TCOF1: variants seen among roughly 807,000 people sequenced by gnomAD.
TCOF1 encodes treacle protein.
A neutral mutation model predicts 149.0 loss-of-function variants in TCOF1; 33 were observed. That is an observed-to-expected ratio of 0.22 (90% CI 0.17 to 0.30). TCOF1 has a LOEUF of 0.30. TCOF1 is among the 10% of genes least tolerant of loss of function. The probability of loss-of-function intolerance (pLI) is 1.00; values close to 1 mark genes in which losing one functional copy is unlikely to be tolerated. For synonymous variants in TCOF1, 789 were observed against 738.8 expected, an observed-to-expected ratio of 1.07 and a Z score of -1.10; for missense variants, 1,728 against 1,840.7, an observed-to-expected ratio of 0.94 and a Z score of 1.12.
chr5:150,365,029 T>G (rs1035515570), intron 3 of TCOF1: 5 of 152,114 alleles, frequency 3.3e-5, no homozygotes, highest in Admixed American at 6.6e-5. Context: ...TTCCTGAGTC[T>G]GCTTTTAAAG....
At chr5:150,377,582 A>G (rs888557137) in intron 14 of TCOF1, among the ~76,000 whole-genome samples, 2 of 152,016 alleles carry the variant, frequency 1.3e-5, no homozygotes, top group African/African-American at 4.8e-5. Flanking sequence ...GTACCAGAGC[A>G]CACATTTCTA....
chr5:150,385,566 A>C (rs928797032), intron 17 of TCOF1, among the ~76,000 whole-genome samples: 2 of 152,088 alleles, frequency 1.3e-5, no homozygotes, highest in Admixed American at 1.3e-4. Context: ...ATTCTGAGAG[A>C]GGTTCTTGGA....
chr5:150,367,814 G>T, intron 3 of TCOF1, 30 bp from the exon 4 acceptor site: 2 of 1,612,908 alleles, frequency 1.2e-6, no homozygotes, highest in African/African-American at 1.3e-5. Context: ...AGCTCATCTG[G>T]CTCCTTTAGC....
chr5:150,369,472 A>G (rs1762062752), intron 5 of TCOF1, 57 bp from the exon 6 acceptor site: 1 of 1,599,104 alleles, frequency 6.3e-7, no homozygotes, highest in African/African-American at 1.3e-5. Context: ...GGTGCTGGGG[A>G]GGGGCAGGTG....
chr5:150,361,249 C>T lies in TCOF1; in HGVS notation c.164+38C>T, dbSNP rs374683044. ...GCCTATAGGGTGGAGTAGGGACGGA[C>T]ACCCCAAGCAACTCAGCTTGGAATA... On this transcript the variant is annotated intron_variant, in intron 2 of 26. Coordinates refer to ENST00000643257, the MANE Select transcript of TCOF1 (RefSeq NM_001371623.1). The T allele has an allele frequency of 2.5e-5, 41 of 1,611,416 alleles. No homozygotes were observed. The East Asian group carries it at 2.9e-4, about 11-fold the overall frequency.
At chr5:150,398,522 C>A in intron 25 of TCOF1, 71 bp downstream of exon 25, 1 of 1,607,710 alleles carries the variant, frequency 6.2e-7, no homozygotes, top group East Asian at 2.2e-5. Flanking sequence ...CACACCCAGA[C>A]CTGGTTCCTG....
chr5:150,396,911 C>T, intron 24 of TCOF1, 69 bp downstream of exon 24: 2 of 1,515,542 alleles, frequency 1.3e-6, no homozygotes, highest in Non-Finnish European at 9.0e-7. Context: ...GAGGGACCCT[C>T]AGCCAGCACC....
intron 6 of TCOF1, among the ~76,000 whole-genome samples, chr5:150,371,246 AC>A (rs1224750747): frequency 6.6e-6 from 1 of 151,874 alleles, no homozygotes; most frequent in African/African-American, 2.4e-5. Flanking sequence ...ACCCCCATCT[AC>A]CCCAGGCCTT....
chr5:150,372,042 T>C lies in TCOF1; in HGVS notation c.676T>C (p.Ser226Pro), dbSNP rs201919311. The change falls in exon 7 of 27, where the codon TCA (serine) becomes CCA (proline). Residue 226 changes from serine (S) to proline (P), a missense_variant. Coordinates refer to ENST00000643257, the MANE Select transcript of TCOF1 (RefSeq NM_001371623.1). ...AGTAAAACCAGCCCAGGTCAAAGCC[T>C]CATCAGTTTCTACTAAGGAGTCTCC... is the stretch of plus-strand genomic sequence containing the variant. Reference protein sequence around the residue: ...PSVKPAQVKASSVSTKESPAR... With the variant: ...PSVKPAQVKAPSVSTKESPAR... The C allele has an allele frequency of 1.6e-4, 259 of 1,614,070 alleles. No individual in the cohort carries two copies. The highest frequency in any genetic ancestry group is 1.9e-4 in the Non-Finnish European group (226 of 1,180,038).
intron 6 of TCOF1, among the ~76,000 whole-genome samples, chr5:150,370,004 G>A (rs529239940): frequency 2.0e-4 from 30 of 152,274 alleles, no homozygotes; most frequent in Non-Finnish European, 3.5e-4. Context: ...CTAGGGCTGC[G>A]GCTGCTGAGA....
intron 17 of TCOF1, 30 bp from the exon 18 acceptor site, chr5:150,387,872 T>TG (rs760081911): frequency 9.1e-5 from 147 of 1,613,232 alleles, no homozygotes; most frequent in Non-Finnish European, 9.7e-5. Context: ...CTTTAATCAC[T>TG]GGGGGGGTGT....
At chr5:150,390,047 A>C in intron 19 of TCOF1, 24 bp downstream of exon 19, 1 of 1,589,184 alleles carries the variant, frequency 6.3e-7, no homozygotes, top group Non-Finnish European at 8.6e-7. Context: ...AAGGGAGGGT[A>C]ATGCAGGCCA....
At position 150,393,475 on chromosome 5, in the gene TCOF1, T is replaced by C. The variant is rs761841400; in HGVS notation, c.3707T>C (p.Leu1236Pro). ...LDSSPSVSST[L>P]AAKDDPDGKQ... Reference sequence around the variant, plus strand: ...TCCAGCCCCTCAGTTTCCTCTACTCTGGCCGCCAAAGATGACCCAGATGGC... The same window carrying C: ...TCCAGCCCCTCAGTTTCCTCTACTCCGGCCGCCAAAGATGACCCAGATGGC... Residue 1236 changes from leucine to proline, a missense_variant, in exon 23 of 27, where the codon CTG (leucine) becomes CCG (proline). Transcript: ENST00000643257. The C allele has an allele frequency of 6.2e-7, 1 of 1,614,160 alleles. No individual in the cohort carries two copies. The highest frequency in any genetic ancestry group is 8.5e-7 in the Non-Finnish European group (1 of 1,180,032).
chr5:150,390,129 A>T (rs948041950), intron 19 of TCOF1, 106 bp downstream of exon 19: 22 of 1,517,450 alleles, frequency 1.4e-5, no homozygotes, highest in Middle Eastern at 3.4e-4. Context: ...TGTCACGCCC[A>T]CACTCCAGAG....
At chr5:150,378,253 A>G (rs1764260938) in intron 14 of TCOF1, among the ~76,000 whole-genome samples, 1 of 152,306 alleles carries the variant, frequency 6.6e-6, no homozygotes, top group South Asian at 2.1e-4. Flanking sequence ...TCTGTTTCAC[A>G]TTAGGCTTGC....
intron 1 of TCOF1, among the ~76,000 whole-genome samples, chr5:150,359,044 ATT>A (rs1188808932): frequency 1.3e-5 from 2 of 150,720 alleles, no homozygotes; most frequent in African/African-American, 4.9e-5. Flanking sequence ...TCAAAAAAAA[ATT>A]TTTTTTAAGT....
chr5:150,391,720 C>T, intron 20 of TCOF1, 63 bp downstream of exon 20: 1 of 1,480,382 alleles, frequency 6.8e-7, no homozygotes, highest in Non-Finnish European at 9.3e-7. Flanking sequence ...CGTGGCCCTG[C>T]ATCGCGGCAC....
intron 19 of TCOF1, among the ~76,000 whole-genome samples, 157 bp downstream of exon 19, chr5:150,390,180 A>G (rs552186809): frequency 2.1e-4 from 32 of 152,328 alleles, no homozygotes; most frequent in African/African-American, 7.5e-4. Context: ...CCTCCTAGCT[A>G]CAACCCCCCA....
At position 150,374,264 on chromosome 5, in the gene TCOF1, G is replaced by A. The variant is rs146307766; in HGVS notation, c.961G>A (p.Gly321Arg). Reference protein sequence around the residue: ...PGKGATPAPPGKAGAVASQTK... With the variant: ...PGKGATPAPPRKAGAVASQTK... ...GAAAGGGGCTACCCCAGCACCCCCT[G>A]GGAAGGCAGGGGCTGTAGCCTCCCA... The change falls in exon 8 of 27, where the codon GGG becomes AGG. Residue 321 changes from glycine (G) to arginine (R), a missense_variant. Gly to Arg is a moderately radical substitution (Grantham distance 125). This residue lies in a region of TCOF1 where 1,696 missense variants were observed against 1,765.4 expected (regional missense o/e 0.96). Transcript: ENST00000643257. The A allele has an allele frequency of 4.9e-5, 79 of 1,604,632 alleles. No individual in the cohort carries two copies. In the African/African-American group the frequency reaches 9.9e-4, roughly 20 times the overall value.
Sources: gnomAD v4.1 joint callset for allele counts (sites outside exome capture counted in the v4.1 genomes callset) on GRCh38, gnomAD v4.1.1 for gene constraint, gnomAD v4.1.1 regional missense constraint, MANE v1.5 for transcripts, NCBI Gene and HGNC (gene_info 2026-07-23, HGNC 2026-07-21) for gene names.